Variants in DPP6 observed in about 807,000 individuals in gnomAD.
DPP6 encodes the protein A-type potassium channel modulatory protein DPP6.
A neutral mutation model predicts 122.6 loss-of-function variants in DPP6; 69 were observed. The ratio of observed to expected loss-of-function variants is 0.56; its 90% CI spans 0.46 to 0.69. DPP6 has a LOEUF of 0.69. Ranked by LOEUF, DPP6 falls within the 30% of genes least tolerant of loss-of-function variation. DPP6 has a pLI of 0.00. For missense variants in DPP6, 928 were observed against 1,116.9 expected, an observed-to-expected ratio of 0.83 and a Z score of 2.41; for synonymous variants, 418 against 433.1, an observed-to-expected ratio of 0.97 and a Z score of 0.43.
At chr7:154,868,217 G>A (rs947343528) in intron 18 of DPP6, 124 bp downstream of exon 18, 2 of 1,281,886 alleles carry the variant, frequency 1.6e-6, no homozygotes, top group Non-Finnish European at 2.1e-6. Context: ...GTGTATCTTT[G>A]CCCCTCAGCT....
intron 5 of DPP6, chr7:154,588,258 G>A: frequency 8.6e-7 from 1 of 1,163,108 alleles, no homozygotes; most frequent in Non-Finnish European, 1.2e-6. Flanking sequence ...CAAATGGCCT[G>A]TTCTCAGAGA....
chr7:154,268,550 A>G (rs1803582838), intron 1 of DPP6, among the ~76,000 whole-genome samples: 1 of 152,208 alleles, frequency 6.6e-6, no homozygotes, highest in South Asian at 2.1e-4. Flanking sequence ...TCCTAACACC[A>G]TCACATTGAA....
intron 1 of DPP6, among the ~76,000 whole-genome samples, chr7:154,257,635 T>C (rs1284848078): frequency 1.3e-5 from 2 of 152,208 alleles, no homozygotes; most frequent in Non-Finnish European, 1.5e-5. Context: ...AGGCAGAGAT[T>C]GCAGTGAGCC....
At chr7:154,623,663 ACG>A (rs1563026008) in intron 5 of DPP6, among the ~76,000 whole-genome samples, 3 of 83,852 alleles carry the variant, frequency 3.6e-5, no homozygotes, top group African/African-American at 1.2e-4. Context: ...GCGCACACAC[ACG>A]CACACACACA....
intron 5 of DPP6, among the ~76,000 whole-genome samples, chr7:154,625,241 A>G (rs997053611): frequency 6.6e-6 from 1 of 152,180 alleles, no homozygotes; most frequent in African/African-American, 2.4e-5. Flanking sequence ...TTAGGCTTGA[A>G]AGTCAGCAAA....
chr7:154,811,651 C>A (rs1405782178), intron 16 of DPP6, among the ~76,000 whole-genome samples: 4 of 152,162 alleles, frequency 2.6e-5, no homozygotes, highest in Admixed American at 1.3e-4. Flanking sequence ...ATACAAGCAA[C>A]CTGATTTAAT....
the DPP6 span, among the ~76,000 whole-genome samples, chr7:153,819,873 TG>T: frequency 6.6e-5 from 10 of 152,248 alleles, no homozygotes; most frequent in African/African-American, 2.4e-4. Context: ...TGTTTGTTTT[TG>T]CTTATAATTT....
At chr7:154,508,021 C>G (rs1825790392) in intron 3 of DPP6, among the ~76,000 whole-genome samples, 1 of 152,170 alleles carries the variant, frequency 6.6e-6, no homozygotes, top group Admixed American at 6.5e-5. Context: ...AAAAGATGTT[C>G]TAGCCCCAAC....
intron 1 of DPP6, among the ~76,000 whole-genome samples, chr7:153,912,956 A>C (rs1800152143): frequency 6.6e-6 from 1 of 152,220 alleles, no homozygotes; most frequent in Non-Finnish European, 1.5e-5. Context: ...CTAGCTTTTG[A>C]ACATGGTGTC....
intron 1 of DPP6, among the ~76,000 whole-genome samples, chr7:154,385,442 G>C (rs949711776): frequency 4.6e-5 from 7 of 152,134 alleles, no homozygotes; most frequent in Non-Finnish European, 1.0e-4. Context: ...CCACAGTGCT[G>C]GGTGGTGGGA....
Position 154,294,209 on chromosome 7 carries a change from G to A in DPP6, c.244-152005G>A, listed in dbSNP as rs75591789. On this transcript the variant is annotated intron_variant, in intron 1 of 25. Coordinates refer to ENST00000377770, the MANE Select transcript of DPP6 (RefSeq NM_130797.4). ...GAGAAGTGGTCAGTGATGCTCTAAGGTAACAAGCACTTCCCATAAGCCTGG... is the reference window on the plus strand; with the variant it reads ...GAGAAGTGGTCAGTGATGCTCTAAGATAACAAGCACTTCCCATAAGCCTGG... Among the ~76,000 whole-genome samples, 701 of 152,284 alleles carry A rather than the reference G, an allele frequency of 4.6e-3. 8 individuals are homozygous for A. The highest frequency in any genetic ancestry group is 0.042 in the East Asian group (219 of 5,178).
chr7:154,891,172 AGTGAGCTATGGTAACACCAT>A (rs1422822906), intron 25 of DPP6: 1 of 152,244 alleles, frequency 6.6e-6, no homozygotes, highest in African/African-American at 2.4e-5. Context: ...TTGAGGCTGC[AGTGAGCTATGGTAACACCAT>A]GGCATTCCAG....
At chr7:154,632,353 AG>A (rs1835456913) in intron 5 of DPP6, among the ~76,000 whole-genome samples, 2 of 152,172 alleles carry the variant, frequency 1.3e-5, no homozygotes. Context: ...TGACCTAGGA[AG>A]GAAGAGTAGA....
chr7:154,656,043 A>T (rs1837217858), intron 6 of DPP6, among the ~76,000 whole-genome samples: 1 of 151,784 alleles, frequency 6.6e-6, no homozygotes, highest in African/African-American at 2.4e-5. Flanking sequence ...AGAGATGTGG[A>T]CACAGTTGAA....
intron 1 of DPP6, among the ~76,000 whole-genome samples, chr7:153,937,682 A>G (rs904734979): frequency 2.2e-4 from 33 of 152,132 alleles, no homozygotes; most frequent in Non-Finnish European, 4.7e-4. Flanking sequence ...TCCTGACCTC[A>G]AGTGACCATC....
At chr7:154,012,508 A>G (rs1169369773) in intron 1 of DPP6, among the ~76,000 whole-genome samples, 2 of 152,196 alleles carry the variant, frequency 1.3e-5, no homozygotes, top group Non-Finnish European at 2.9e-5. Flanking sequence ...ATCAAACACC[A>G]TTAAGGAAAT....
intron 5 of DPP6, among the ~76,000 whole-genome samples, chr7:154,633,410 T>C (rs1432379067): frequency 2.0e-5 from 3 of 152,098 alleles, no homozygotes; most frequent in Non-Finnish European, 4.4e-5. Context: ...CTAATTTTTG[T>C]ATTTTTGTAG....
At chr7:154,263,809 G>T (rs980646770) in intron 1 of DPP6, among the ~76,000 whole-genome samples, 1 of 152,100 alleles carries the variant, frequency 6.6e-6, no homozygotes, top group Non-Finnish European at 1.5e-5. Flanking sequence ...TCCTGCCTCA[G>T]CCTCCTGAGT....
intron 8 of DPP6, among the ~76,000 whole-genome samples, chr7:154,759,607 C>G (rs572190993): frequency 7.2e-5 from 11 of 152,312 alleles, no homozygotes; most frequent in African/African-American, 2.2e-4. Flanking sequence ...AGGGGAGGCC[C>G]AAGATGGGAC....
Sources: gnomAD v4.1 joint callset for allele counts (sites outside exome capture counted in the v4.1 genomes callset) on GRCh38, gnomAD v4.1.1 for gene constraint, MANE v1.5 for transcripts, NCBI Gene and HGNC (gene_info 2026-07-23, HGNC 2026-07-21) for gene names.